The following FAT2 variants were observed in gnomAD, a reference collection of about 807,000 sequenced individuals.
FAT2 encodes FAT atypical cadherin 2.
In FAT2, 150 loss-of-function variants were observed where a neutral mutation model predicts 295.3. That is an observed-to-expected ratio of 0.51 (90% CI 0.44 to 0.58). The LOEUF (loss-of-function observed/expected upper bound fraction) is 0.58, where lower values mean the gene tolerates loss of function less well. Among genes scored for constraint, FAT2 ranks in the 20% least tolerant of loss-of-function variants. The pLI is 0.00. For synonymous variants in FAT2, 2,026 were observed against 2,150.3 expected, an observed-to-expected ratio of 0.94 and a Z score of 1.60; for missense variants, 4,868 against 5,442.7, an observed-to-expected ratio of 0.89 and a Z score of 3.32.
intron 18 of FAT2, among the ~76,000 whole-genome samples, chr5:151,524,185 A>G (rs1753766557): frequency 6.6e-6 from 1 of 152,108 alleles, no homozygotes; most frequent in Non-Finnish European, 1.5e-5. Flanking sequence ...ACCACCTCTC[A>G]TTGTACTTAG....
chr5:151,524,022 G>A (rs935433966), intron 18 of FAT2, among the ~76,000 whole-genome samples: 3 of 151,964 alleles, frequency 2.0e-5, no homozygotes, highest in Non-Finnish European at 2.9e-5. Flanking sequence ...AAATCTCTCC[G>A]CTTCCTGCAT....
intron 12 of FAT2, among the ~76,000 whole-genome samples, chr5:151,536,753 G>T (rs1312796970): frequency 6.6e-6 from 1 of 152,208 alleles, no homozygotes; most frequent in Non-Finnish European, 1.5e-5. Context: ...ATTCTATGAG[G>T]TGTTATCCCT....
At chr5:151,573,258 TAA>T (rs1758608110) in intron 1 of FAT2, among the ~76,000 whole-genome samples, 1 of 152,212 alleles carries the variant, frequency 6.6e-6, no homozygotes, top group South Asian at 2.1e-4. Context: ...TTAATGCACA[TAA>T]GTGCCGAGCA....
chr5:151,543,911 G>C lies in FAT2; in HGVS notation c.7216C>G (p.Pro2406Ala), dbSNP rs754002257. Reference sequence around the variant, plus strand: ...AGGCGGGAGGTGTCTCTGCTGTCAGGGTCAATAGCCTGGACTTTAAGAACC... The same window carrying C: ...AGGCGGGAGGTGTCTCTGCTGTCAGCGTCAATAGCCTGGACTTTAAGAACC... ...HLVLKVQAID[P>A]DSRDTSRLEY... The change falls in exon 10 of 24, where the codon CCT becomes GCT. Residue 2406 changes from proline to alanine, a missense_variant. Around this residue, in one of 5 missense-constraint regions of FAT2, gnomAD observed 3,297 missense variants for 3,669.4 expected, o/e 0.90. Transcript: ENST00000261800. The C allele has an allele frequency of 2.5e-6, 4 of 1,614,096 alleles. No homozygotes were observed. The Admixed American group carries it at 5.0e-5, about 20-fold the overall frequency.
At chr5:151,583,246 G>A (rs1759033495) in intron 1 of FAT2, among the ~76,000 whole-genome samples, 2 of 152,094 alleles carry the variant, frequency 1.3e-5, no homozygotes, top group African/African-American at 4.8e-5. Flanking sequence ...TTCATCACAA[G>A]ACTATTCAAA....
At chr5:151,537,277 TGGAGGA>T (rs1296981376) in intron 12 of FAT2, among the ~76,000 whole-genome samples, 5 of 132,874 alleles carry the variant, frequency 3.8e-5, no homozygotes, top group African/African-American at 8.8e-5. Context: ...ATGGTGGTGG[TGGAGGA>T]GGAGGAGGAG....
intron 21 of FAT2, 98 bp from the exon 22 acceptor site, chr5:151,510,272 A>G: frequency 1.5e-6 from 2 of 1,378,764 alleles, no homozygotes; most frequent in Non-Finnish European, 1.0e-6. Context: ...CCGTTCAGTT[A>G]CCATTTATTT....
rs1754625355 is a variant in FAT2, at chr5:151,531,681, C to T, written c.9717G>A (p.Gln3239=). ...CGCCCGGGCGAGTGAGGGTGGCCAG[C>T]TGCAGCACCTCCGTGCCAGGTGGGG... ...EDAPPGTEVL[Q]LATLTRPGAE... The change falls in exon 14 of 24, where the codon CAG becomes CAA. Residue 3239 remains glutamine (Q), a synonymous_variant. Transcript: ENST00000261800. The surrounding 1 kb of genome is among the most constrained non-coding windows in gnomAD (Gnocchi z 5.7). The T allele has an allele frequency of 2.5e-6, 4 of 1,613,732 alleles. No homozygotes were observed. The highest frequency in any genetic ancestry group is 1.7e-5 in the Admixed American group (1 of 59,984).
chr5:151,569,763 AACT>A (rs1758450307), intron 1 of FAT2, among the ~76,000 whole-genome samples: 1 of 152,216 alleles, frequency 6.6e-6, no homozygotes, highest in Non-Finnish European at 1.5e-5. Context: ...TCTGGTTCTA[AACT>A]ACTATTCTCT....
At chr5:151,540,220 A>G (rs1366332152) in intron 11 of FAT2, among the ~76,000 whole-genome samples, 1 of 152,138 alleles carries the variant, frequency 6.6e-6, no homozygotes, top group African/African-American at 2.4e-5. Context: ...GTATATCCCT[A>G]TGGGGGCCAA....
In FAT2 at chr5:151,568,142, G is replaced by A. The variant is rs1157379303; in HGVS notation, c.790C>T (p.Pro264Ser). 6.2e-7 allele frequency: 1 copy of A among 1,614,046 alleles called. No individual in the cohort carries two copies. Among genetic ancestry groups the A allele is most frequent in the Non-Finnish European group, 8.5e-7 (1 of 1,180,028 alleles). Residue 264 changes from proline (P) to serine (S), a missense_variant, in exon 2 of 24, where the codon CCA becomes TCA. Coordinates refer to ENST00000261800, the MANE Select transcript of FAT2 (RefSeq NM_001447.3). The stretch of plus-strand genomic sequence containing the variant: ...TAGGTGGTACCATCATTGCTGTCTG[G>A]TGGAGTCACCACCACCGAAGCAATG... ...PAIASVVVTP[P>S]DSNDGTTYAT... is the part of the protein sequence containing the mutation.
intron 20 of FAT2, among the ~76,000 whole-genome samples, chr5:151,516,615 T>C (rs1343864129): frequency 6.6e-6 from 1 of 152,244 alleles, no homozygotes; most frequent in Non-Finnish European, 1.5e-5. Flanking sequence ...ACAAATTCTA[T>C]AATTTTCTGA....
intron 4 of FAT2, among the ~76,000 whole-genome samples, chr5:151,555,431 C>T (rs2127633413): frequency 7.0e-6 from 1 of 143,436 alleles, no homozygotes; most frequent in South Asian, 2.2e-4. Context: ...AGTTCAGTGG[C>T]ACGATCTCAG....
At chr5:151,553,148 C>T (rs2127626490) in intron 6 of FAT2, 29 bp downstream of exon 6, 1 of 1,609,694 alleles carries the variant, frequency 6.2e-7, no homozygotes, top group Non-Finnish European at 8.5e-7. Flanking sequence ...GAGGGGTTGG[C>T]CCTTGTTGGG....
Position 151,515,405 on chromosome 5 carries a change from G to A in FAT2, c.11463+2215C>T, listed in dbSNP as rs551453643. The stretch of plus-strand genomic sequence containing the variant: ...TCATGGCTTTCAGTACCACGTATGC[G>A]CTGAAGACTCCCAGATCTCCATCTC... On this transcript the variant is annotated intron_variant, in intron 20 of 23. Coordinates refer to ENST00000261800, the MANE Select transcript of FAT2 (RefSeq NM_001447.3). Among the ~76,000 whole-genome samples the A allele has an allele frequency of 2.0e-3, 302 of 152,146 alleles. 3 individuals carry two copies. The highest frequency in any genetic ancestry group is 7.0e-3 in the African/African-American group (292 of 41,486).
chr5:151,540,800 A>G, intron 10 of FAT2, 37 bp from the exon 11 acceptor site: 1 of 1,578,590 alleles, frequency 6.3e-7, no homozygotes, highest in Non-Finnish European at 8.7e-7. Flanking sequence ...AAGCCAAGCA[A>G]TAGGAATGAA....
At chr5:151,551,937 T>G (rs915699720) in intron 6 of FAT2, among the ~76,000 whole-genome samples, 13 of 152,018 alleles carry the variant, frequency 8.6e-5, no homozygotes, top group Non-Finnish European at 1.0e-4. Flanking sequence ...ATATTACATT[T>G]AAAAATATTA....
intron 6 of FAT2, among the ~76,000 whole-genome samples, chr5:151,552,595 C>G (rs1022564153): frequency 6.6e-6 from 1 of 152,184 alleles, no homozygotes; most frequent in Non-Finnish European, 1.5e-5. Flanking sequence ...ACACAACTTT[C>G]TGGGAAGAGG....
At chr5:151,569,868 C>G (rs999142190) in intron 1 of FAT2, among the ~76,000 whole-genome samples, 6 of 152,220 alleles carry the variant, frequency 3.9e-5, no homozygotes, top group African/African-American at 1.4e-4. Flanking sequence ...GCAAAGTGAC[C>G]AAGATCCCAG....
Sources: allele counts gnomAD v4.1 joint callset (sites outside exome capture counted in the v4.1 genomes callset), GRCh38; gene constraint gnomAD v4.1.1; regional missense constraint gnomAD v4.1.1; non-coding constraint Gnocchi (gnomAD v3.1); transcripts MANE v1.5; gene names NCBI Gene and HGNC (gene_info 2026-07-23, HGNC 2026-07-21).